The following LHFPL4 variants were observed in gnomAD, a reference collection of about 807,000 sequenced individuals.
LHFPL4 encodes LHFPL tetraspan subfamily member 4 protein.
LHFPL4 carries 6 observed loss-of-function variants against 20.0 expected under a neutral mutation model. That is an observed-to-expected ratio of 0.30 (90% CI 0.16 to 0.59). LHFPL4 has a LOEUF of 0.59. Among genes scored for constraint, LHFPL4 ranks in the 20% least tolerant of loss-of-function variants. The pLI, the probability that LHFPL4 is intolerant of heterozygous loss-of-function variation, is 0.88. For synonymous variants in LHFPL4, 129 were observed against 143.8 expected, an observed-to-expected ratio of 0.90 and a Z score of 0.74; for missense variants, 215 against 331.2, an observed-to-expected ratio of 0.65 and a Z score of 2.72.
rs749074100 is a variant in LHFPL4, at chr3:9,505,951, C to A, written c.643+16G>T. 13 of 1,611,304 alleles carry A rather than the reference C, an allele frequency of 8.1e-6. No individual in the cohort carries two copies. In the African/African-American group the frequency reaches 1.7e-4, roughly 22 times the overall value. ...CCTGGCTCCCGCCGCTGCCCCCCAG[C>A]CCACAGCACACTCGCCTTTGTTCTC... On this transcript the variant is annotated intron_variant, in intron 3 of 3. Coordinates refer to ENST00000287585, the MANE Select transcript of LHFPL4 (RefSeq NM_198560.3).
intron 2 of LHFPL4, among the ~76,000 whole-genome samples, chr3:9,526,014 T>C (rs1559519381): frequency 6.6e-6 from 1 of 152,188 alleles, no homozygotes; most frequent in African/African-American, 2.4e-5. Flanking sequence ...TAGGGGATGG[T>C]ATATACATAC....
At chr3:9,504,685 C>T (rs1167964860) in intron 3 of LHFPL4, among the ~76,000 whole-genome samples, 1 of 151,820 alleles carries the variant, frequency 6.6e-6, no homozygotes, top group African/African-American at 2.4e-5. Context: ...CTTAGCCGGG[C>T]GTGGTGGCGG....
At chr3:9,513,224 T>C (rs2125657458) in intron 2 of LHFPL4, among the ~76,000 whole-genome samples, 1 of 152,340 alleles carries the variant, frequency 6.6e-6, no homozygotes, top group East Asian at 1.9e-4. Context: ...CCTCCGAAAG[T>C]GCTGGGATTA....
intron 2 of LHFPL4, among the ~76,000 whole-genome samples, chr3:9,551,457 G>A (rs2046553627): frequency 6.6e-6 from 1 of 152,170 alleles, no homozygotes; most frequent in Non-Finnish European, 1.5e-5. Flanking sequence ...GTGGGTGGAA[G>A]TGGGGGACTC....
At chr3:9,510,079 C>G (rs1302029481) in intron 2 of LHFPL4, among the ~76,000 whole-genome samples, 2 of 152,208 alleles carry the variant, frequency 1.3e-5, no homozygotes, top group Non-Finnish European at 2.9e-5. Flanking sequence ...CCAACCAATG[C>G]ACTGTGGGAT....
At chr3:9,543,600 C>A (rs956095654) in intron 2 of LHFPL4, among the ~76,000 whole-genome samples, 2 of 152,022 alleles carry the variant, frequency 1.3e-5, no homozygotes, top group Non-Finnish European at 2.9e-5. Flanking sequence ...TCATGAGAGA[C>A]CCTGAGTCAT....
chr3:9,530,285 C>A (rs970145077), intron 2 of LHFPL4, among the ~76,000 whole-genome samples: 2 of 152,202 alleles, frequency 1.3e-5, no homozygotes, highest in African/African-American at 2.4e-5. Context: ...TTAGTCTACC[C>A]ATCTTCATCA....
chr3:9,531,611 G>C (rs1169445948), intron 2 of LHFPL4, among the ~76,000 whole-genome samples: 1 of 152,156 alleles, frequency 6.6e-6, no homozygotes, highest in Non-Finnish European at 1.5e-5. Flanking sequence ...AGACCAGCCT[G>C]GCCAACGTGG....
intron 2 of LHFPL4, among the ~76,000 whole-genome samples, chr3:9,552,069 G>C (rs977570912): frequency 1.7e-4 from 25 of 147,204 alleles, no homozygotes; most frequent in South Asian, 4.6e-4. Context: ...CACCCACCCA[G>C]TCCCAAGGCT....
chr3:9,547,591 GACA>G (rs1412700607), intron 2 of LHFPL4, among the ~76,000 whole-genome samples: 3 of 152,208 alleles, frequency 2.0e-5, no homozygotes, highest in Non-Finnish European at 2.9e-5. Flanking sequence ...AGGATTAAAT[GACA>G]ACGAGTGTGA....
At chr3:9,509,246 C>A (rs990255535) in intron 2 of LHFPL4, among the ~76,000 whole-genome samples, 7 of 146,766 alleles carry the variant, frequency 4.8e-5, no homozygotes, top group African/African-American at 1.8e-4. Flanking sequence ...TTCGCACCCC[C>A]CTCTCTCTCT....
At chr3:9,511,402 G>A (rs1232064637) in intron 2 of LHFPL4, among the ~76,000 whole-genome samples, 2 of 151,720 alleles carry the variant, frequency 1.3e-5, no homozygotes, top group Non-Finnish European at 2.9e-5. Flanking sequence ...CTCATTATAC[G>A]AATGAGGAAA....
At position 9,523,980 on chromosome 3, in the gene LHFPL4, AT is replaced by A. The variant is rs932265821; in HGVS notation, c.407-17778del. Among the ~76,000 whole-genome samples, 74 of 124,810 alleles carry A rather than the reference AT, an allele frequency of 5.9e-4. 1 individual carries two copies. The highest frequency in any genetic ancestry group is 1.5e-3 in the Admixed American group (19 of 12,622). The allele number at this position is 124,810 out of a possible 152,430, so 81.9% of individuals were successfully genotyped here. On this transcript the variant is annotated intron_variant, in intron 2 of 3. Coordinates refer to ENST00000287585, the MANE Select transcript of LHFPL4 (RefSeq NM_198560.3). Reference sequence around the variant, plus strand: ...AGAGAGTACACAATTCTAGGCTAGTATTTCCCCCCCCCCCAACACTTTAAAT... The same window carrying A: ...AGAGAGTACACAATTCTAGGCTAGTATTCCCCCCCCCCCAACACTTTAAAT...
chr3:9,505,200 T>C (rs1226047749), intron 3 of LHFPL4, among the ~76,000 whole-genome samples: 1 of 152,214 alleles, frequency 6.6e-6, no homozygotes, highest in South Asian at 2.1e-4. Flanking sequence ...TGATCAGATC[T>C]GAGGCAGAAC....
chr3:9,538,097 A>C (rs1265539696), intron 2 of LHFPL4, among the ~76,000 whole-genome samples: 3 of 152,038 alleles, frequency 2.0e-5, no homozygotes, highest in Non-Finnish European at 4.4e-5. Context: ...CAAAACCAAC[A>C]CACCCATTGG....
Position 9,501,371 on chromosome 3 carries a change from T to G in LHFPL4, c.*840A>C, listed in dbSNP as rs905254328. Reference sequence around the variant, plus strand: ...CCAGGGTCAAGGGTCCAGTCATTGGTGAGACATCCCAGCAGAGAGGAGGCC... The same window carrying G: ...CCAGGGTCAAGGGTCCAGTCATTGGGGAGACATCCCAGCAGAGAGGAGGCC... On this transcript the variant is annotated 3_prime_UTR_variant, in exon 4 of 4. Transcript: ENST00000287585. 6.5e-6 allele frequency: 1 copy of G among 153,210 alleles called. No homozygotes were observed. The highest frequency in any genetic ancestry group is 1.5e-5 in the Non-Finnish European group (1 of 68,864). The allele number at this position is 153,210 out of a possible 1,614,324, so 9.5% of individuals were successfully genotyped here. A position where few individuals can be genotyped will look rare whatever the true frequency, so the allele number is the denominator to read the frequency against.
chr3:9,510,928 A>T (rs2046254611), intron 2 of LHFPL4, among the ~76,000 whole-genome samples: 1 of 148,790 alleles, frequency 6.7e-6, no homozygotes, highest in African/African-American at 2.5e-5. Flanking sequence ...ACAGAGCAAG[A>T]CTCCATCTCA....
At chr3:9,541,776 A>G (rs185632682) in intron 2 of LHFPL4, among the ~76,000 whole-genome samples, 4 of 150,176 alleles carry the variant, frequency 2.7e-5, no homozygotes, top group African/African-American at 9.8e-5. Flanking sequence ...CGCCTCAAAG[A>G]AAAAAAAAAT....
chr3:9,504,590 C>A (rs937370303), intron 3 of LHFPL4, among the ~76,000 whole-genome samples: 1 of 152,226 alleles, frequency 6.6e-6, no homozygotes, highest in Admixed American at 6.5e-5. Flanking sequence ...CTTTGGGAGG[C>A]CAAGGCAGGC....
Sources: allele counts gnomAD v4.1 joint callset (sites outside exome capture counted in the v4.1 genomes callset), GRCh38; gene constraint gnomAD v4.1.1; transcripts MANE v1.5; gene names NCBI Gene and HGNC (gene_info 2026-07-23, HGNC 2026-07-21).